The following LOC400499 variants were observed in gnomAD, a reference collection of about 807,000 sequenced individuals.
the LOC400499 span, among the ~76,000 whole-genome samples, chr16:11,436,846 G>A: frequency 1.3e-5 from 2 of 151,762 alleles, no homozygotes; most frequent in Admixed American, 1.3e-4. Context: ...TGTCTGCCTC[G>A]ACCTCCCAAA....
chr16:11,505,888 A>G, the LOC400499 span, among the ~76,000 whole-genome samples: 1 of 152,092 alleles, frequency 6.6e-6, no homozygotes, highest in East Asian at 1.9e-4. Flanking sequence ...AAACGTTCAA[A>G]TTCTTCTCTT....
At chr16:11,422,237 C>A in the LOC400499 span, among the ~76,000 whole-genome samples, 2 of 152,134 alleles carry the variant, frequency 1.3e-5, no homozygotes, top group Non-Finnish European at 2.9e-5. Context: ...CCTGTCTATA[C>A]TAAAAATACA....
At chr16:11,422,259 G>A in the LOC400499 span, among the ~76,000 whole-genome samples, 3 of 152,126 alleles carry the variant, frequency 2.0e-5, no homozygotes, top group Non-Finnish European at 2.9e-5. Flanking sequence ...AAATTTAGCT[G>A]GGCGTGGTGG....
At chr16:11,459,144 A>G in the LOC400499 span, among the ~76,000 whole-genome samples, 1 of 149,860 alleles carries the variant, frequency 6.7e-6, no homozygotes. Context: ...TTAAAAGATC[A>G]TTTGCAGGAC....
At chr16:11,463,921 AATATGGATGT>A in the LOC400499 span, among the ~76,000 whole-genome samples, 1 of 152,140 alleles carries the variant, frequency 6.6e-6, no homozygotes, top group Non-Finnish European at 1.5e-5. Context: ...GGACTGTGTG[AATATGGATGT>A]ATATGGACGT....
At chr16:11,459,809 G>A in the LOC400499 span, 1 of 1,218,650 alleles carries the variant, frequency 8.2e-7, no homozygotes, top group South Asian at 3.7e-5. Flanking sequence ...TTGTAGCCAG[G>A]GCCAGAGGGC....
the LOC400499 span, among the ~76,000 whole-genome samples, chr16:11,444,825 T>C: frequency 1.3e-5 from 2 of 152,074 alleles, no homozygotes; most frequent in Non-Finnish European, 2.9e-5. Flanking sequence ...TTCACACCTA[T>C]AATGTCAGCA....
chr16:11,436,566 C>T, the LOC400499 span, among the ~76,000 whole-genome samples: 1 of 152,030 alleles, frequency 6.6e-6, no homozygotes, highest in Non-Finnish European at 1.5e-5. Context: ...CTGTGCATTA[C>T]AATCACAGGA....
At chr16:11,489,394 G>A in the LOC400499 span, among the ~76,000 whole-genome samples, 1 of 152,136 alleles carries the variant, frequency 6.6e-6, no homozygotes, top group Non-Finnish European at 1.5e-5. Flanking sequence ...GCAGAGCCTG[G>A]ACCTAAAAAG....
At chr16:11,407,717 A>G in the LOC400499 span, among the ~76,000 whole-genome samples, 4 of 152,092 alleles carry the variant, frequency 2.6e-5, 1 homozygote, top group East Asian at 7.7e-4. Flanking sequence ...ACAGAACTCC[A>G]AGTGTGGATC....
At chr16:11,428,669 C>T in the LOC400499 span, among the ~76,000 whole-genome samples, 1 of 152,128 alleles carries the variant, frequency 6.6e-6, no homozygotes, top group East Asian at 1.9e-4. Flanking sequence ...TGACCTGTAT[C>T]TTGTGGCGAC....
At chr16:11,407,408 C>A in the LOC400499 span, 1 of 397,302 alleles carries the variant, frequency 2.5e-6, no homozygotes, top group Non-Finnish European at 4.4e-6. Flanking sequence ...ATGGAACATT[C>A]CAGGAGATGC....
the LOC400499 span, among the ~76,000 whole-genome samples, chr16:11,398,822 GT>G: frequency 5.3e-5 from 8 of 150,002 alleles, no homozygotes; most frequent in South Asian, 2.1e-4. Context: ...ACCACGCCCA[GT>G]TTTTTTTTTA....
chr16:11,399,507 C>A, the LOC400499 span: 17 of 398,632 alleles, frequency 4.3e-5, no homozygotes, highest in Non-Finnish European at 3.1e-5. Context: ...CGGTGCTGGC[C>A]CCAGGACACG....
chr16:11,402,838 G>C, the LOC400499 span, among the ~76,000 whole-genome samples: 7 of 152,088 alleles, frequency 4.6e-5, no homozygotes, highest in African/African-American at 1.7e-4. Context: ...CCTGAATCAG[G>C]AGCTGATGGG....
chr16:11,424,877 A>C, the LOC400499 span, among the ~76,000 whole-genome samples: 452 of 152,280 alleles, frequency 3.0e-3, 2 homozygotes, highest in African/African-American at 0.01. Context: ...TGGAGGGCTG[A>C]TGGCAGCGGC....
At chr16:11,378,186 C>G in the LOC400499 span, among the ~76,000 whole-genome samples, 1 of 151,708 alleles carries the variant, frequency 6.6e-6, no homozygotes, top group Non-Finnish European at 1.5e-5. Flanking sequence ...GTCTCCTGGC[C>G]TCGGCCTTCC....
At chr16:11,450,513 T>G in the LOC400499 span, 75 of 1,225,338 alleles carry the variant, frequency 6.1e-5, no homozygotes, top group African/African-American at 1.0e-3. Context: ...TGAGCTGCTA[T>G]CTGCCCACAG....
the LOC400499 span, among the ~76,000 whole-genome samples, chr16:11,397,086 G>A: frequency 2.6e-5 from 4 of 152,052 alleles, no homozygotes; most frequent in Admixed American, 6.6e-5. Context: ...TTGTTGTATC[G>A]TCCTGGCCCC....
Sources: allele counts gnomAD v4.1 joint callset (sites outside exome capture counted in the v4.1 genomes callset), GRCh38; gene constraint gnomAD v4.1.1; transcripts MANE v1.5.